The following VPS13D variants were observed in gnomAD, a reference collection of about 807,000 sequenced individuals.
The protein encoded by VPS13D is vacuolar protein sorting 13 homolog D.
VPS13D carries 187 observed loss-of-function variants against 461.9 expected under a neutral mutation model. The ratio of observed to expected loss-of-function variants is 0.40; its 90% CI spans 0.36 to 0.46. The LOEUF (loss-of-function observed/expected upper bound fraction) is 0.46, where lower values mean the gene tolerates loss of function less well. Among genes scored for constraint, VPS13D ranks in the 20% least tolerant of loss-of-function variants. VPS13D has a pLI of 0.60. For missense variants in VPS13D, 4,711 were observed against 5,364.9 expected (o/e 0.88, Z 3.81); for synonymous variants, 1,951 against 1,986.3 (o/e 0.98, Z 0.47).
Position 12,388,579 on chromosome 1 carries a change from G to A in VPS13D, c.11634+2245G>A, listed in dbSNP as rs775421525. On this transcript the variant is annotated intron_variant, in intron 60 of 69. Coordinates refer to ENST00000620676, the MANE Select transcript of VPS13D (RefSeq NM_015378.4). ...CAGATGGAGACTCTTGTCTCAGGGG[G>A]AAAAAAAAAAAAAAGAAATCATAAA... Among the ~76,000 whole-genome samples the A allele has an allele frequency of 2.7e-3, 354 of 131,682 alleles. 1 individual carries two copies. Among genetic ancestry groups the A allele is most frequent in the Non-Finnish European group, 4.2e-3 (255 of 60,820 alleles). 86.4% of individuals were successfully genotyped at this position (131,682 alleles called of 152,430 possible). A position where few individuals can be genotyped will look rare whatever the true frequency, so the allele number is the denominator to read the frequency against.
chr1:12,322,818 T>C lies in VPS13D; in HGVS notation c.7915+72T>C, dbSNP rs1643075587. 4 of 1,386,556 alleles carry C rather than the reference T, an allele frequency of 2.9e-6. No individual in the cohort carries two copies. In the East Asian group the frequency reaches 9.7e-5, roughly 34 times the overall value. The allele number at this position is 1,386,556 out of a possible 1,614,324, so 85.9% of individuals were successfully genotyped here. ...CTTCTTTTTGACTCTTAAAATTTTC[T>C]TTTGCACAACTAAATTGTACACAGT... On this transcript the variant is annotated intron_variant, in intron 34 of 69. Transcript: ENST00000620676.
In VPS13D at chr1:12,473,603, C is replaced by T. The variant is rs1425287208; in HGVS notation, c.12662+13207C>T. Among the ~76,000 whole-genome samples, 1 of 152,158 alleles carries T rather than the reference C, an allele frequency of 6.6e-6. No individual in the cohort carries two copies. The highest frequency in any genetic ancestry group is 2.4e-5 in the African/African-American group (1 of 41,410). ...ATTAAATTATATCATGTATATAAAG[C>T]ACTCAGCCTGGCATGTGGCATGCAG... On this transcript the variant is annotated intron_variant, in intron 67 of 69. Transcript: ENST00000620676. This position sits in a 1 kb window ranked among gnomAD's most constrained non-coding sequence, Gnocchi z 4.2.
chr1:12,296,333 T>C (rs1374603482), intron 24 of VPS13D, among the ~76,000 whole-genome samples: 1 of 152,254 alleles, frequency 6.6e-6, no homozygotes, highest in Non-Finnish European at 1.5e-5. Context: ...ACACTCTTAT[T>C]GTCAGACTTT....
chr1:12,387,570 G>A (rs145774358), intron 60 of VPS13D, among the ~76,000 whole-genome samples: 4,241 of 151,874 alleles, frequency 0.028, 107 homozygotes, highest in African/African-American at 0.06. Context: ...AGACTAATTG[G>A]TCAAAACTGA....
At position 12,266,937 on chromosome 1, in the gene VPS13D, C is replaced by T. The variant is rs779593607; in HGVS notation, c.1651C>T (p.Arg551Trp). 6.2e-6 allele frequency: 10 copies of T among 1,609,520 alleles called. No individual in the cohort carries two copies. The highest frequency in any genetic ancestry group is 2.7e-5 in the African/African-American group (2 of 74,818). ...PRRNSSLLSV[R>W]LGGLFLRDLA... ...AAGAAATTCCTCGTTGCTTTCAGTCCGGTTGGGTGGACTGTTTCTTCGAGA... is the reference window on the plus strand; with the variant it reads ...AAGAAATTCCTCGTTGCTTTCAGTCTGGTTGGGTGGACTGTTTCTTCGAGA... Residue 551 changes from arginine (R) to tryptophan (W), a missense_variant, in exon 14 of 70, where the codon CGG becomes TGG. By Grantham distance (101) the Arg-to-Trp change is moderately radical. Transcript: ENST00000620676.
At chr1:12,339,241 A>C (rs1557719115) in intron 40 of VPS13D, among the ~76,000 whole-genome samples, 1 of 152,188 alleles carries the variant, frequency 6.6e-6, no homozygotes, top group Non-Finnish European at 1.5e-5. Context: ...GGCTTAGCCA[A>C]GCATTATTCC....
In VPS13D at chr1:12,283,624, A is replaced by G. The variant is rs772605588; in HGVS notation, c.5522A>G (p.Asn1841Ser). The change falls in exon 21 of 70, where the codon AAC becomes AGC. Residue 1841 changes from asparagine to serine, a missense_variant. Asn to Ser is a conservative substitution (Grantham distance 46, BLOSUM62 1). Transcript: ENST00000620676. ...DFFGIGSTADNHAMRLPPEGI... is the reference protein window; with the variant it reads ...DFFGIGSTADSHAMRLPPEGI... ...TTTGGAATCGGCTCCACTGCAGACA[A>G]CCACGCAATGAGGCTGCCTCCTGAG... 23 of 1,614,068 alleles carry G rather than the reference A, an allele frequency of 1.4e-5. No homozygotes were observed. In the Admixed American group the frequency reaches 2.5e-4, roughly 18 times the overall value.
chr1:12,339,823 T>C (rs1643529089), intron 40 of VPS13D, among the ~76,000 whole-genome samples: 1 of 152,246 alleles, frequency 6.6e-6, no homozygotes. Flanking sequence ...ACCCATGCTA[T>C]TTAACTCCAA....
At chr1:12,504,584 T>C (rs1229751051) in intron 68 of VPS13D, among the ~76,000 whole-genome samples, 1 of 152,166 alleles carries the variant, frequency 6.6e-6, no homozygotes, top group East Asian at 1.9e-4. Flanking sequence ...ATCAGAGAGA[T>C]GAAAGAGTCT....
chr1:12,436,355 G>A (rs1255946090), intron 65 of VPS13D, among the ~76,000 whole-genome samples: 4 of 152,302 alleles, frequency 2.6e-5, no homozygotes, highest in African/African-American at 9.6e-5. Context: ...AGAGACAGGT[G>A]GGGACAAGAA....
intron 54 of VPS13D, among the ~76,000 whole-genome samples, chr1:12,373,066 A>ATT (rs1644143966): frequency 1.1e-5 from 1 of 90,778 alleles, no homozygotes; most frequent in African/African-American, 4.4e-5. Context: ...AGTAAAGCTA[A>ATT]TTTTTGGTCC....
intron 10 of VPS13D, among the ~76,000 whole-genome samples, chr1:12,259,319 AT>A (rs544878359): frequency 1.7e-3 from 239 of 137,200 alleles, no homozygotes; most frequent in Middle Eastern, 3.8e-3. Flanking sequence ...TACTCTTTTT[AT>A]TTTTTTTTTT....
chr1:12,403,680 T>G, intron 62 of VPS13D, 145 bp from the exon 63 acceptor site: 2 of 718,532 alleles, frequency 2.8e-6, no homozygotes, highest in Non-Finnish European at 4.4e-6. Context: ...ACTATACACG[T>G]CACTGTACCC....
At chr1:12,400,953 T>TGC (rs1219516243) in intron 61 of VPS13D, among the ~76,000 whole-genome samples, 1,527 of 136,254 alleles carry the variant, frequency 0.011, 18 homozygotes, top group Admixed American at 0.036. Flanking sequence ...GATGTGCACC[T>TGC]GCGCGCGCGC....
At chr1:12,287,391 T>C (rs1253180505) in intron 21 of VPS13D, among the ~76,000 whole-genome samples, 3 of 152,244 alleles carry the variant, frequency 2.0e-5, no homozygotes, top group Admixed American at 2.0e-4. Flanking sequence ...TCCTCCTGAT[T>C]ATTCATGCAC....
At chr1:12,262,486 C>T (rs1252771458) in intron 13 of VPS13D, among the ~76,000 whole-genome samples, 1 of 152,140 alleles carries the variant, frequency 6.6e-6, no homozygotes, top group Non-Finnish European at 1.5e-5. Context: ...ATGATATTCT[C>T]TGAAGATGCT....
At chr1:12,332,828 T>C (rs1300269862) in intron 37 of VPS13D, among the ~76,000 whole-genome samples, 1 of 152,258 alleles carries the variant, frequency 6.6e-6, no homozygotes, top group Non-Finnish European at 1.5e-5. Flanking sequence ...AATGTATTGG[T>C]CCTGTAACCA....
intron 67 of VPS13D, among the ~76,000 whole-genome samples, chr1:12,474,851 C>T (rs1645609262): frequency 6.6e-6 from 1 of 152,192 alleles, no homozygotes; most frequent in South Asian, 2.1e-4. Context: ...ACAGGCAATT[C>T]ATTTGCGACT....
intron 7 of VPS13D, among the ~76,000 whole-genome samples, chr1:12,254,344 G>A (rs1640841321): frequency 6.6e-6 from 1 of 151,288 alleles, no homozygotes; most frequent in Middle Eastern, 3.4e-3. Flanking sequence ...CCCGGCCTAG[G>A]CATCCAGATT....
Sources: gnomAD v4.1 joint callset for allele counts (sites outside exome capture counted in the v4.1 genomes callset) on GRCh38, gnomAD v4.1.1 for gene constraint, Gnocchi (gnomAD v3.1) non-coding constraint, MANE v1.5 for transcripts, NCBI Gene and HGNC (gene_info 2026-07-23, HGNC 2026-07-21) for gene names.